Variants in NEMP2 observed in about 807,000 individuals in gnomAD.
NEMP2 encodes UPF0571 transmembrane protein.
Under a neutral mutation model 54.2 loss-of-function variants are expected in NEMP2, and 53 were observed. The observed-to-expected ratio is 0.98, with a 90% CI of 0.78 to 1.23. The LOEUF (loss-of-function observed/expected upper bound fraction) is 1.23. Ranked by LOEUF, NEMP2 falls within the 50% of genes most tolerant of loss-of-function variation. The pLI is 0.00. For missense variants in NEMP2, 455 were observed against 511.3 expected (o/e 0.89, Z 1.06); for synonymous variants, 197 against 190.3 (o/e 1.04, Z -0.29).
chr2:190,637,330 A>G, the NEMP2 span, among the ~76,000 whole-genome samples: 1 of 152,146 alleles, frequency 6.6e-6, no homozygotes, highest in African/African-American at 2.4e-5. This position sits in a 1 kb window ranked among gnomAD's most constrained non-coding sequence, Gnocchi z 4.5. Flanking sequence ...TCTTAGTTGT[A>G]TCTACTATTC....
the NEMP2 span, chr2:190,646,867 A>C: frequency 6.6e-6 from 1 of 152,310 alleles, no homozygotes; most frequent in Non-Finnish European, 1.5e-5. Flanking sequence ...AGGTAAGACC[A>C]CTCATTTCGT....
In NEMP2 at chr2:190,512,698, G is replaced by A. The variant is rs1690409639; in HGVS notation, c.953+1755C>T. On this transcript the variant is annotated intron_variant, in intron 7 of 8. Transcript: ENST00000409150. This position sits in a 1 kb window ranked among gnomAD's most constrained non-coding sequence, Gnocchi z 4.5. ...TCCTCAGGCCACAAGCCTGGCAAAG[G>A]GCCAGGGACCTGGAAGATGTTGGGG... Among the ~76,000 whole-genome samples, 1 of 152,176 alleles carries A rather than the reference G, an allele frequency of 6.6e-6. No individual in the cohort carries two copies. Among genetic ancestry groups the A allele is most frequent in the Non-Finnish European group, 1.5e-5 (1 of 68,024 alleles).
the NEMP2 span, among the ~76,000 whole-genome samples, chr2:190,473,557 C>A: frequency 1.3e-5 from 2 of 152,104 alleles, no homozygotes; most frequent in Non-Finnish European, 2.9e-5. Flanking sequence ...TACAGGAGCA[C>A]CCAGATTCAT....
the NEMP2 span, chr2:190,609,958 A>C: frequency 0.72 from 109,714 of 152,022 alleles, 39,855 homozygotes; most frequent in East Asian, 0.91. The surrounding 1 kb of genome is among the most constrained non-coding windows in gnomAD (Gnocchi z 4.7). Context: ...GTCTAGTCTT[A>C]AGTTTGCAGG....
chr2:190,438,002 T>TG, the NEMP2 span, among the ~76,000 whole-genome samples: 4,591 of 152,268 alleles, frequency 0.03, 154 homozygotes, highest in African/African-American at 0.081. The surrounding 1 kb of genome is among the most constrained non-coding windows in gnomAD (Gnocchi z 5.2). Flanking sequence ...AGATAGAGCC[T>TG]GAATATATGG....
At chr2:190,647,404 T>A in the NEMP2 span, among the ~76,000 whole-genome samples, 2 of 152,188 alleles carry the variant, frequency 1.3e-5, no homozygotes, top group Non-Finnish European at 2.9e-5. Context: ...CATAAAGATG[T>A]GGTTTGAAGA....
chr2:190,646,696 T>C, the NEMP2 span: 1 of 152,232 alleles, frequency 6.6e-6, no homozygotes, highest in Non-Finnish European at 1.5e-5. Context: ...ATTCCACTGT[T>C]TAACTGTAGA....
chr2:190,568,691 G>A, the NEMP2 span, among the ~76,000 whole-genome samples: 58 of 152,062 alleles, frequency 3.8e-4, no homozygotes, highest in Non-Finnish European at 7.5e-4. This position sits in a 1 kb window ranked among gnomAD's most constrained non-coding sequence, Gnocchi z 4.7. Context: ...GCGTGGTGGC[G>A]CATGCCTGTA....
chr2:190,588,435 A>C, the NEMP2 span, among the ~76,000 whole-genome samples: 1 of 152,166 alleles, frequency 6.6e-6, no homozygotes. This position sits in a 1 kb window ranked among gnomAD's most constrained non-coding sequence, Gnocchi z 5.0. Context: ...CCTCAAGGGG[A>C]ATGAAAGACC....
the NEMP2 span, among the ~76,000 whole-genome samples, chr2:190,558,753 G>A: frequency 6.6e-6 from 1 of 152,174 alleles, no homozygotes; most frequent in Non-Finnish European, 1.5e-5. This position sits in a 1 kb window ranked among gnomAD's most constrained non-coding sequence, Gnocchi z 4.4. Context: ...AGGAGCCGAT[G>A]AAGTATTTCA....
Position 190,523,617 on chromosome 2 carries a change from T to A in NEMP2, c.213+1646A>T, listed in dbSNP as rs202221049. The stretch of plus-strand genomic sequence containing the variant: ...TGTTGACTGTTCCTTGGAAAAAAAA[T>A]GTTATGATTCCAGAGCTAAGTCTAT... On this transcript the variant is annotated intron_variant, in intron 2 of 8. Transcript: ENST00000409150. The surrounding 1 kb of genome is among the most constrained non-coding windows in gnomAD (Gnocchi z 5.3). 3.1e-4 allele frequency among the ~76,000 whole-genome samples: 23 copies of A among 74,476 alleles called. No homozygotes were observed. The highest frequency in any genetic ancestry group is 8.2e-4 in the Admixed American group (6 of 7,354). 48.9% of individuals were successfully genotyped at this position (74,476 alleles called of 152,430 possible). A position where few individuals can be genotyped will look rare whatever the true frequency, so the allele number is the denominator to read the frequency against.
At chr2:190,607,161 G>A in the NEMP2 span, among the ~76,000 whole-genome samples, 12 of 152,282 alleles carry the variant, frequency 7.9e-5, no homozygotes, top group South Asian at 2.1e-4. This position sits in a 1 kb window ranked among gnomAD's most constrained non-coding sequence, Gnocchi z 5.2. Context: ...TCTTGTCAGC[G>A]GAAACATGAG....
the NEMP2 span, among the ~76,000 whole-genome samples, chr2:190,446,755 G>C: frequency 6.6e-6 from 1 of 152,168 alleles, no homozygotes; most frequent in Non-Finnish European, 1.5e-5. Flanking sequence ...CTACATACTG[G>C]TGGGAATACA....
chr2:190,570,345 C>T, the NEMP2 span, among the ~76,000 whole-genome samples: 1 of 152,188 alleles, frequency 6.6e-6, no homozygotes, highest in East Asian at 1.9e-4. The surrounding 1 kb of genome is among the most constrained non-coding windows in gnomAD (Gnocchi z 5.4). Context: ...TAAAGTTCAA[C>T]TACAAGTAAC....
chr2:190,450,922 T>C, the NEMP2 span, among the ~76,000 whole-genome samples: 2,138 of 152,316 alleles, frequency 0.014, 48 homozygotes, highest in East Asian at 0.11. Context: ...CTGCGCATTG[T>C]GGTTGCTGAG....
chr2:190,465,030 T>C, the NEMP2 span: 1 of 502,700 alleles, frequency 2.0e-6, no homozygotes, highest in African/African-American at 2.1e-5. This position sits in a 1 kb window ranked among gnomAD's most constrained non-coding sequence, Gnocchi z 4.6. Context: ...TATCTATATC[T>C]TGAACACTCT....
chr2:190,635,364 G>A, the NEMP2 span, among the ~76,000 whole-genome samples: 1,451 of 152,302 alleles, frequency 9.5e-3, 24 homozygotes, highest in African/African-American at 0.032. This position sits in a 1 kb window ranked among gnomAD's most constrained non-coding sequence, Gnocchi z 4.1. Context: ...CCATGGGCAT[G>A]TGCCACCAAG....
chr2:190,535,286 C>T (rs113580271), upstream of NEMP2, among the ~76,000 whole-genome samples: 128 of 152,336 alleles, frequency 8.4e-4, no homozygotes, highest in African/African-American at 2.9e-3. Flanking sequence ...GTAACACTGA[C>T]TTGTATGTCT....
the NEMP2 span, among the ~76,000 whole-genome samples, chr2:190,452,958 A>G: frequency 6.6e-6 from 1 of 152,196 alleles, no homozygotes; most frequent in Non-Finnish European, 1.5e-5. Flanking sequence ...TGCTCATTCA[A>G]TATTTCTTTA....
Sources: gnomAD v4.1 joint callset for allele counts (sites outside exome capture counted in the v4.1 genomes callset) on GRCh38, gnomAD v4.1.1 for gene constraint, Gnocchi (gnomAD v3.1) non-coding constraint, MANE v1.5 for transcripts, NCBI Gene and HGNC (gene_info 2026-07-23, HGNC 2026-07-21) for gene names.